Variants in DACH2 observed in about 807,000 individuals in gnomAD.
DACH2 encodes the protein dachshund homolog 2.
In DACH2, 17 loss-of-function variants were observed where a neutral mutation model predicts 35.8. That is an observed-to-expected ratio of 0.48 (90% CI 0.33 to 0.71). The LOEUF (loss-of-function observed/expected upper bound fraction) is 0.71. Among genes scored for constraint, DACH2 ranks in the 30% least tolerant of loss-of-function variants. The pLI, the probability that DACH2 is intolerant of heterozygous loss-of-function variation, is 0.02. For missense variants in DACH2, 469 were observed against 472.7 expected (o/e 0.99, Z 0.07); for synonymous variants, 195 against 177.3 (o/e 1.10, Z -0.79).
At chrX:86,223,093 T>C (rs1391918710) in intron 1 of DACH2, among the ~76,000 whole-genome samples, 1 of 111,475 alleles carries the variant, frequency 9.0e-6, no homozygotes, top group Non-Finnish European at 1.9e-5. Flanking sequence ...AAGTGAAGGG[T>C]ATTTCCAAAT....
intron 7 of DACH2, among the ~76,000 whole-genome samples, chrX:86,746,128 A>G (rs975702165): frequency 8.9e-6 from 1 of 111,886 alleles, no homozygotes; most frequent in Non-Finnish European, 1.9e-5. Context: ...GCATGGATAC[A>G]TCATATTTTG....
intron 7 of DACH2, among the ~76,000 whole-genome samples, chrX:86,760,174 G>A (rs763444887): frequency 7.2e-4 from 80 of 111,289 alleles, no homozygotes; most frequent in African/African-American, 2.4e-3. Flanking sequence ...ATGTGCCATG[G>A]AGAACACATT....
chrX:86,806,009 C>T (rs947193311), intron 7 of DACH2, among the ~76,000 whole-genome samples: 4 of 111,767 alleles, frequency 3.6e-5, no homozygotes, highest in African/African-American at 6.5e-5. Context: ...CCTCCAATCT[C>T]TTCCTGTTAT....
In DACH2 at chrX:86,160,484, A is replaced by G. The variant is rs1450304395; in HGVS notation, c.488+11376A>G. ...CAGCTTCTTACCAGAACGGTGATCA[A>G]TCTTTTCCTTCAGTACAGCAAACTT... On this transcript the variant is annotated intron_variant, in intron 1 of 11. Coordinates refer to ENST00000373125, the MANE Select transcript of DACH2 (RefSeq NM_053281.3). 7.5e-5 allele frequency: 40 copies of G among 534,393 alleles called. No individual in the cohort carries two copies. In the South Asian group the frequency reaches 9.1e-4, roughly 12 times the overall value. The allele number at this position is 534,393 out of a possible 1,213,427, so 44.0% of individuals were successfully genotyped here. A position where few individuals can be genotyped will look rare whatever the true frequency, so the allele number is the denominator to read the frequency against.
At chrX:86,163,299 G>A (rs758563756) in intron 1 of DACH2, among the ~76,000 whole-genome samples, 6 of 111,488 alleles carry the variant, frequency 5.4e-5, no homozygotes, top group Non-Finnish European at 1.1e-4. Flanking sequence ...AACATGTGAT[G>A]TGTGTCTTCC....
intron 1 of DACH2, among the ~76,000 whole-genome samples, chrX:86,369,481 A>C (rs2035854615): frequency 9.0e-6 from 1 of 110,803 alleles, no homozygotes; most frequent in Non-Finnish European, 1.9e-5. Context: ...GTCCAGGCCA[A>C]GATTCCTTTG....
chrX:86,814,814 G>A lies in DACH2; in HGVS notation c.1664G>A (p.Ser555Asn). ...QALKQATTSD[S>N]GLRMLKDTGI... ...CTTAAGCAAGCCACCACTAGTGACA[G>A]TGGCCTGAGGATGTTAAAAGGTAAT... The change falls in exon 10 of 12, where the codon AGT (serine) becomes AAT (asparagine). Residue 555 changes from serine (S) to asparagine (N), a missense_variant. Coordinates refer to ENST00000373125, the MANE Select transcript of DACH2 (RefSeq NM_053281.3). The A allele has an allele frequency of 8.3e-7, 1 of 1,207,506 alleles. No individual in the cohort carries two copies. The highest frequency in any genetic ancestry group is 1.1e-6 in the Non-Finnish European group (1 of 893,413).
chrX:86,633,774 C>T, intron 3 of DACH2, among the ~76,000 whole-genome samples: 1 of 111,770 alleles, frequency 8.9e-6, no homozygotes. Context: ...GGTAATACAC[C>T]ATGACCAAGT....
chrX:86,519,130 C>T (rs2038514993), intron 3 of DACH2, among the ~76,000 whole-genome samples: 1 of 111,664 alleles, frequency 9.0e-6, no homozygotes, highest in Non-Finnish European at 1.9e-5. Context: ...TATCATAAAC[C>T]AGTTCTGCAT....
chrX:86,272,803 A>G (rs750258842), intron 1 of DACH2, among the ~76,000 whole-genome samples: 1 of 111,887 alleles, frequency 8.9e-6, no homozygotes, highest in South Asian at 3.7e-4. Flanking sequence ...AATGAAGAAA[A>G]TCTTTCTGTA....
At position 86,772,028 on chromosome X, in the gene DACH2, G is replaced by T. The variant is rs941875094; in HGVS notation, c.1240+32146G>T. The stretch of plus-strand genomic sequence containing the variant: ...ACAGTGCAGAATCTAGAGTGAGACA[G>T]AACTGGATTCAATTCTGAGCCTTGC... On this transcript the variant is annotated intron_variant, in intron 7 of 11. Coordinates refer to ENST00000373125, the MANE Select transcript of DACH2 (RefSeq NM_053281.3). Among the ~76,000 whole-genome samples the T allele has an allele frequency of 9.0e-5, 10 of 111,634 alleles. No individual in the cohort carries two copies. The Admixed American group carries it at 9.6e-4, about 11-fold the overall frequency.
intron 7 of DACH2, among the ~76,000 whole-genome samples, chrX:86,746,744 T>C (rs1179038496): frequency 9.0e-6 from 1 of 111,628 alleles, no homozygotes; most frequent in Non-Finnish European, 1.9e-5. Context: ...GTTTTCGTAG[T>C]ATCCTTTGAT....
At chrX:86,315,278 A>G (rs968118585) in intron 1 of DACH2, among the ~76,000 whole-genome samples, 2 of 112,188 alleles carry the variant, frequency 1.8e-5, no homozygotes, top group Non-Finnish European at 3.8e-5. Context: ...TTTACTGAAT[A>G]TTTTAAGCCC....
At chrX:86,545,384 G>C (rs2038943369) in intron 3 of DACH2, among the ~76,000 whole-genome samples, 1 of 110,703 alleles carries the variant, frequency 9.0e-6, no homozygotes, top group Admixed American at 9.7e-5. Flanking sequence ...GGGAGCAACA[G>C]ACACCAGGGC....
At chrX:86,348,945 T>G (rs2035542596) in intron 1 of DACH2, among the ~76,000 whole-genome samples, 1 of 111,812 alleles carries the variant, frequency 8.9e-6, no homozygotes, top group Non-Finnish European at 1.9e-5. Context: ...TAGGGGTGAA[T>G]GCTTAGAGCT....
chrX:86,667,529 GAA>G (rs1262111982), intron 4 of DACH2, among the ~76,000 whole-genome samples: 1 of 61,345 alleles, frequency 1.6e-5, no homozygotes, highest in Non-Finnish European at 2.7e-5. Context: ...AAGAAAGAAA[GAA>G]AGAAAGAAAG....
intron 7 of DACH2, among the ~76,000 whole-genome samples, chrX:86,770,748 C>T (rs947382966): frequency 7.2e-5 from 8 of 111,819 alleles, no homozygotes; most frequent in African/African-American, 2.6e-4. Context: ...TGTTGTGAGG[C>T]CTTTGTATAT....
intron 2 of DACH2, among the ~76,000 whole-genome samples, chrX:86,444,851 A>C (rs979019211): frequency 4.5e-5 from 5 of 111,592 alleles, no homozygotes; most frequent in Admixed American, 9.6e-5. Context: ...TATAAGTTTT[A>C]TCTGAAACAC....
At chrX:86,426,166 T>C (rs781725430) in intron 2 of DACH2, among the ~76,000 whole-genome samples, 2 of 111,520 alleles carry the variant, frequency 1.8e-5, no homozygotes, top group African/African-American at 6.5e-5. Flanking sequence ...CACATAAAGT[T>C]AGCTAGGCAA....
Sources: allele counts gnomAD v4.1 joint callset (sites outside exome capture counted in the v4.1 genomes callset), GRCh38; gene constraint gnomAD v4.1.1; transcripts MANE v1.5; gene names NCBI Gene and HGNC (gene_info 2026-07-23, HGNC 2026-07-21).